Variants in RASA2 observed in about 807,000 individuals in gnomAD.
The protein encoded by RASA2 is RAS p21 protein activator 2.
Under a neutral mutation model 118.2 loss-of-function variants are expected in RASA2, and 155 were observed. The observed-to-expected ratio is 1.31, with a 90% CI of 1.15 to 1.50. The LOEUF (loss-of-function observed/expected upper bound fraction) is 1.50, where lower values mean the gene tolerates loss of function less well. Ranked by LOEUF, RASA2 falls within the 40% of genes most tolerant of loss-of-function variation. The pLI is 0.00. For missense variants in RASA2, 1,016 were observed against 1,009.6 expected (o/e 1.01, Z -0.09); for synonymous variants, 353 against 349.1 (o/e 1.01, Z -0.12).
chr3:141,499,365 A>G (rs927006403), intron 1 of RASA2, among the ~76,000 whole-genome samples: 1 of 152,206 alleles, frequency 6.6e-6, no homozygotes, highest in African/African-American at 2.4e-5. Context: ...TAATACCACT[A>G]TACAGGATTG....
At chr3:141,585,704 G>A (rs2083190308) in intron 17 of RASA2, among the ~76,000 whole-genome samples, 1 of 152,140 alleles carries the variant, frequency 6.6e-6, no homozygotes, top group Non-Finnish European at 1.5e-5. Context: ...GGAAGCTGAG[G>A]CATGAGAATC....
chr3:141,550,480 A>T (rs2082558147), intron 5 of RASA2, among the ~76,000 whole-genome samples: 1 of 152,246 alleles, frequency 6.6e-6, no homozygotes, highest in South Asian at 2.1e-4. Flanking sequence ...TGTGTCCTAG[A>T]TCAAAAAAGG....
At chr3:141,595,953 A>G (rs976615096) in intron 19 of RASA2, among the ~76,000 whole-genome samples, 3 of 152,218 alleles carry the variant, frequency 2.0e-5, no homozygotes, top group Admixed American at 2.0e-4. Context: ...TCTCTCAGCA[A>G]TTGTTAGAGG....
At chr3:141,600,170 A>C (rs2083441185) in intron 19 of RASA2, 1 of 318,762 alleles carries the variant, frequency 3.1e-6, no homozygotes. Flanking sequence ...CAAACACATG[A>C]ATCGGTTTCT....
chr3:141,558,166 A>G lies in RASA2; in HGVS notation c.685-720A>G, dbSNP rs1440767656. On this transcript the variant is annotated intron_variant, in intron 7 of 23. Transcript: ENST00000286364. ...AGCTTCCTCATTTTTAAGTGAGGGT[A>G]ATAAATCTAGCCCTGTCCGCCTCTG... 2.0e-5 allele frequency among the ~76,000 whole-genome samples: 3 copies of G among 152,200 alleles called. No individual in the cohort carries two copies. The East Asian group carries it at 5.8e-4, about 29-fold the overall frequency.
intron 19 of RASA2, among the ~76,000 whole-genome samples, chr3:141,593,564 G>A (rs543332243): frequency 1.3e-5 from 2 of 152,232 alleles, no homozygotes; most frequent in South Asian, 2.1e-4. Context: ...CTCTTAAACC[G>A]CTAATGCAAG....
At chr3:141,589,495 T>G (rs2083255474) in intron 19 of RASA2, among the ~76,000 whole-genome samples, 1 of 152,130 alleles carries the variant, frequency 6.6e-6, no homozygotes, top group Non-Finnish European at 1.5e-5. Context: ...AAATTTTGCA[T>G]ATAATATCAG....
At chr3:141,546,356 G>C (rs561301821) in intron 5 of RASA2, among the ~76,000 whole-genome samples, 1 of 152,078 alleles carries the variant, frequency 6.6e-6, no homozygotes, top group Admixed American at 6.5e-5. Flanking sequence ...TATTTGTTAC[G>C]CATGTCTTTT....
At chr3:141,496,288 C>T (rs999714835) in intron 1 of RASA2, among the ~76,000 whole-genome samples, 10 of 152,144 alleles carry the variant, frequency 6.6e-5, no homozygotes, top group African/African-American at 2.4e-4. Flanking sequence ...ACACCAAAAG[C>T]AATGGCAACA....
chr3:141,575,498 A>G (rs2082995997), intron 14 of RASA2, among the ~76,000 whole-genome samples: 1 of 152,236 alleles, frequency 6.6e-6, no homozygotes. Flanking sequence ...ACACAGTGTT[A>G]GTGTGTTAGC....
At chr3:141,512,131 T>C (rs1422107661) in intron 1 of RASA2, 32 bp from the exon 2 acceptor site, 1 of 1,458,154 alleles carries the variant, frequency 6.9e-7, no homozygotes, top group Admixed American at 1.7e-5. Flanking sequence ...GTTGATGATA[T>C]TTAATAACAA....
chr3:141,547,285 T>A (rs1245697381), intron 5 of RASA2, among the ~76,000 whole-genome samples: 1 of 152,156 alleles, frequency 6.6e-6, no homozygotes, highest in Non-Finnish European at 1.5e-5. Flanking sequence ...GTAGATTGCT[T>A]TAGGTAGTAT....
At chr3:141,488,933 G>A (rs2081608738) in intron 1 of RASA2, among the ~76,000 whole-genome samples, 1 of 152,116 alleles carries the variant, frequency 6.6e-6, no homozygotes, top group African/African-American at 2.4e-5. Context: ...GGAATTGAGG[G>A]TTAGGGTTTC....
chr3:141,585,843 G>T (rs2083192540), intron 17 of RASA2, among the ~76,000 whole-genome samples, 182 bp from the exon 18 acceptor site: 2 of 152,028 alleles, frequency 1.3e-5, no homozygotes, highest in African/African-American at 2.4e-5. Context: ...TATAATACTT[G>T]TCATTTGTAA....
intron 4 of RASA2, among the ~76,000 whole-genome samples, chr3:141,532,673 T>G (rs1188549410): frequency 2.6e-5 from 4 of 151,956 alleles, no homozygotes; most frequent in Non-Finnish European, 5.9e-5. Flanking sequence ...TTGGGTGGTT[T>G]GTTTGTTTTT....
rs2083264370 is a variant in RASA2 at position 141,590,021 on chromosome 3, CAAGCTTATTTACCAAAGCCTGCAGTTTT to C, written c.1933+3276_1933+3303del. 2.4e-5 allele frequency: 10 copies of C among 423,718 alleles called. 1 individual carries two copies. The highest frequency in any genetic ancestry group is 1.7e-4 in the South Asian group (10 of 58,488). 26.2% of individuals were successfully genotyped at this position (423,718 alleles called of 1,614,324 possible). On this transcript the variant is annotated intron_variant, in intron 19 of 23. Transcript: ENST00000286364. ...ATTGGAGGAATGAGATATGAAGTTTCAAGCTTATTTACCAAAGCCTGCAGTTTTAAGCTTCCATGCTTTTTGTTTTAAC... is the reference window on the plus strand; with the variant it reads ...ATTGGAGGAATGAGATATGAAGTTTCAAGCTTCCATGCTTTTTGTTTTAAC...
chr3:141,581,206 ATATT>A (rs778506708), intron 17 of RASA2, 29 bp downstream of exon 17: 21 of 1,384,496 alleles, frequency 1.5e-5, no homozygotes. Context: ...GGAATTGTTA[ATATT>A]TATTTCATAT....
chr3:141,516,207 T>G (rs2082022857), intron 2 of RASA2, 121 bp from the exon 3 acceptor site: 1 of 625,234 alleles, frequency 1.6e-6, no homozygotes, highest in Admixed American at 5.1e-5. Context: ...TAATAAAATA[T>G]ATATATATTA....
intron 19 of RASA2, among the ~76,000 whole-genome samples, chr3:141,589,320 T>C (rs1433124394): frequency 6.6e-6 from 1 of 152,240 alleles, no homozygotes; most frequent in Non-Finnish European, 1.5e-5. Context: ...AGTTCTTTTT[T>C]CTTCATTTAA....
Sources: allele counts gnomAD v4.1 joint callset (sites outside exome capture counted in the v4.1 genomes callset), GRCh38; gene constraint gnomAD v4.1.1; transcripts MANE v1.5; gene names NCBI Gene and HGNC (gene_info 2026-07-23, HGNC 2026-07-21).